PRKD1: variants seen among roughly 807,000 people sequenced by gnomAD.
The protein encoded by PRKD1 is protein kinase D1, also known as serine/threonine-protein kinase D1.
A neutral mutation model predicts 95.9 loss-of-function variants in PRKD1; 63 were observed. That is an observed-to-expected ratio of 0.66 (90% CI 0.54 to 0.81). PRKD1 has a LOEUF of 0.81. Among genes scored for constraint, PRKD1 ranks in the 30% least tolerant of loss-of-function variants. The pLI, the probability that PRKD1 is intolerant of heterozygous loss-of-function variation, is 0.00. For missense variants in PRKD1, 1,048 were observed against 1,165.3 expected (o/e 0.90, Z 1.47); for synonymous variants, 425 against 423.1 (o/e 1.00, Z -0.05).
At chr14:29,872,400 C>T (rs1196224651) in intron 1 of PRKD1, among the ~76,000 whole-genome samples, 1 of 152,114 alleles carries the variant, frequency 6.6e-6, no homozygotes, top group Non-Finnish European at 1.5e-5. Flanking sequence ...GGGTGGCTCA[C>T]GCCTGTAATC....
chr14:29,770,906 T>TGA (rs1000259135), intron 1 of PRKD1, among the ~76,000 whole-genome samples: 1 of 120,640 alleles, frequency 8.3e-6, no homozygotes, highest in Non-Finnish European at 1.6e-5. Flanking sequence ...CACTCCAGCC[T>TGA]GAGTGATAGA....
intron 10 of PRKD1, among the ~76,000 whole-genome samples, chr14:29,630,154 T>C (rs1057264234): frequency 6.6e-6 from 1 of 151,922 alleles, no homozygotes; most frequent in Non-Finnish European, 1.5e-5. Flanking sequence ...TCCTCCTCCT[T>C]CTCCCCCTCC....
At chr14:29,687,973 T>C (rs1883982694) in intron 2 of PRKD1, among the ~76,000 whole-genome samples, 1 of 152,202 alleles carries the variant, frequency 6.6e-6, no homozygotes, top group Admixed American at 6.5e-5. Flanking sequence ...GTAAACTCCG[T>C]GGCTTAAAAT....
In PRKD1 at chr14:29,708,143, A is replaced by G. The variant is rs113281426; in HGVS notation, c.403+17393T>C. On this transcript the variant is annotated intron_variant, in intron 2 of 17. Coordinates refer to ENST00000331968, the MANE Select transcript of PRKD1 (RefSeq NM_002742.3). Reference sequence around the variant, plus strand: ...ACATAATGATGTCCCCATCAAGCAGATAAGATGACATTAGGAAGGACAATT... The same window carrying G: ...ACATAATGATGTCCCCATCAAGCAGGTAAGATGACATTAGGAAGGACAATT... Among the ~76,000 whole-genome samples the G allele has an allele frequency of 1.5e-4, 23 of 152,238 alleles. 1 individual carries two copies. The highest frequency in any genetic ancestry group is 5.5e-4 in the African/African-American group (23 of 41,560).
chr14:29,672,938 C>A lies in PRKD1; in HGVS notation c.404-6730G>T, dbSNP rs375980407. ...ATTTTTTTAAACCAGAAGGATGCAC[C>A]GGGACAGTAGGAGTGTTTGATAGCA... On this transcript the variant is annotated intron_variant, in intron 2 of 17. Transcript: ENST00000331968. Among the ~76,000 whole-genome samples, 7 of 151,912 alleles carry A rather than the reference C, an allele frequency of 4.6e-5. No homozygotes were observed. The East Asian group carries it at 1.2e-3, about 25-fold the overall frequency.
At chr14:29,808,404 T>C (rs1465290373) in intron 1 of PRKD1, among the ~76,000 whole-genome samples, 2 of 121,926 alleles carry the variant, frequency 1.6e-5, no homozygotes, top group Non-Finnish European at 3.4e-5. Flanking sequence ...TTTTTTTTTT[T>C]TTTTTTTTTT....
At chr14:29,819,505 G>A (rs1380862560) in intron 1 of PRKD1, among the ~76,000 whole-genome samples, 10 of 151,884 alleles carry the variant, frequency 6.6e-5, no homozygotes, top group Admixed American at 1.3e-4. Context: ...CCTGGCTAAC[G>A]CAGTGAAACC....
intron 16 of PRKD1, among the ~76,000 whole-genome samples, chr14:29,579,210 T>C (rs1892673729): frequency 6.6e-6 from 1 of 151,990 alleles, no homozygotes; most frequent in Non-Finnish European, 1.5e-5. Context: ...TTTCTGGACA[T>C]TATATTTTCA....
At chr14:29,577,678 A>C (rs796939547) in intron 17 of PRKD1, among the ~76,000 whole-genome samples, 4 of 152,336 alleles carry the variant, frequency 2.6e-5, no homozygotes, top group African/African-American at 9.6e-5. Context: ...CATGGATCAA[A>C]GAGTGGGCAA....
intron 1 of PRKD1, among the ~76,000 whole-genome samples, chr14:29,869,626 A>G (rs1263788327): frequency 6.6e-6 from 1 of 152,152 alleles, no homozygotes; most frequent in African/African-American, 2.4e-5. Flanking sequence ...GAATTAGATA[A>G]AAGTATAAAT....
intron 1 of PRKD1, among the ~76,000 whole-genome samples, chr14:29,889,390 C>A (rs974767371): frequency 1.3e-5 from 2 of 152,162 alleles, no homozygotes; most frequent in Non-Finnish European, 2.9e-5. Flanking sequence ...ACAGTAGGTG[C>A]AGCCCATGGA....
At chr14:29,817,136 A>G (rs1890724448) in intron 1 of PRKD1, among the ~76,000 whole-genome samples, 1 of 152,194 alleles carries the variant, frequency 6.6e-6, no homozygotes, top group African/African-American at 2.4e-5. Context: ...TCAAGTTTAC[A>G]TATCTGATAT....
intron 16 of PRKD1, 29 bp downstream of exon 16, chr14:29,597,458 AGATT>A (rs765645852): frequency 2.6e-6 from 4 of 1,518,514 alleles, no homozygotes; most frequent in Admixed American, 1.9e-5. Context: ...AATAAGGATT[AGATT>A]ATTATCATTT....
intron 6 of PRKD1, 134 bp downstream of exon 6, chr14:29,638,355 C>T: frequency 1.2e-6 from 1 of 804,270 alleles, no homozygotes; most frequent in Non-Finnish European, 2.0e-6. Context: ...AGAACAAACA[C>T]TGGCCATAAT....
chr14:29,578,398 G>A (rs377756710), intron 16 of PRKD1, 38 bp from the exon 17 acceptor site: 7 of 1,410,050 alleles, frequency 5.0e-6, no homozygotes, highest in South Asian at 2.4e-5. Flanking sequence ...TGACAAATCT[G>A]TAACATATGC....
chr14:29,719,917 G>A (rs528965530), intron 2 of PRKD1, among the ~76,000 whole-genome samples: 25 of 152,110 alleles, frequency 1.6e-4, no homozygotes, highest in African/African-American at 6.0e-4. Flanking sequence ...AAAGTATTCC[G>A]TGAGAAAGTG....
chr14:29,877,517 C>T (rs1451392710), intron 1 of PRKD1, among the ~76,000 whole-genome samples: 1 of 152,182 alleles, frequency 6.6e-6, no homozygotes, highest in East Asian at 1.9e-4. Flanking sequence ...TCAATGTTTG[C>T]TTTTGTTGTG....
At chr14:29,883,032 T>C (rs1893569969) in intron 1 of PRKD1, among the ~76,000 whole-genome samples, 3 of 152,164 alleles carry the variant, frequency 2.0e-5, no homozygotes, top group Non-Finnish European at 2.9e-5. Context: ...TATACAAGCA[T>C]GGTGCTGGCA....
At chr14:29,577,565 T>A in intron 17 of PRKD1, 109 bp from the exon 18 acceptor site, 1 of 1,036,474 alleles carries the variant, frequency 9.6e-7, no homozygotes, top group Non-Finnish European at 1.4e-6. Context: ...CCTTCCACTC[T>A]AACAGCGCTG....
Sources: gnomAD v4.1 joint callset for allele counts (sites outside exome capture counted in the v4.1 genomes callset) on GRCh38, gnomAD v4.1.1 for gene constraint, MANE v1.5 for transcripts, NCBI Gene and HGNC (gene_info 2026-07-23, HGNC 2026-07-21) for gene names.